Variants in PCM1 observed in about 807,000 individuals in gnomAD.
The protein encoded by PCM1 is pericentriolar material 1.
A neutral mutation model predicts 241.9 loss-of-function variants in PCM1; 157 were observed. The observed-to-expected ratio is 0.65, with a 90% CI of 0.57 to 0.74. The LOEUF is 0.74. Among genes scored for constraint, PCM1 ranks in the 30% least tolerant of loss-of-function variants. PCM1 has a pLI of 0.00. For missense variants in PCM1, 3,478 were observed against 2,360.1 expected (o/e 1.47, Z -9.81); for synonymous variants, 1,085 against 784.9 (o/e 1.38, Z -6.39).
Position 17,972,424 on chromosome 8 carries a change from G to T in PCM1, c.3680G>T (p.Gly1227Val). The part of the protein sequence containing the change: ...GEVEKPFIKT[G>V]FSVSVEKSTS... ...GTAGAGAAACCATTTATCAAGACTG[G>T]ATTTTCAGTGTCTGTAGAAAAATCT... is the stretch of plus-strand genomic sequence containing the variant. Residue 1227 changes from glycine (G) to valine (V), a missense_variant, in exon 23 of 39, where the codon GGA becomes GTA. Gly to Val is a moderately radical substitution (Grantham distance 109). Transcript: ENST00000325083. 1 of 1,612,564 alleles carries T rather than the reference G, an allele frequency of 6.2e-7. No homozygotes were observed. The highest frequency in any genetic ancestry group is 8.5e-7 in the Non-Finnish European group (1 of 1,179,106).
intron 22 of PCM1, among the ~76,000 whole-genome samples, chr8:17,971,042 C>A (rs973016676): frequency 1.3e-5 from 2 of 152,194 alleles, no homozygotes; most frequent in African/African-American, 4.8e-5. Context: ...TGCACAAGAG[C>A]AACCATAGGC....
At chr8:17,960,899 G>A (rs1432646961) in intron 15 of PCM1, among the ~76,000 whole-genome samples, 1 of 152,004 alleles carries the variant, frequency 6.6e-6, no homozygotes, top group Non-Finnish European at 1.5e-5. Flanking sequence ...GAAGAGTTGG[G>A]GTTATACGTT....
chr8:17,964,494 C>G, intron 17 of PCM1, 74 bp from the exon 18 acceptor site: 1 of 1,097,872 alleles, frequency 9.1e-7, no homozygotes, highest in South Asian at 1.6e-5. Flanking sequence ...GAAACAATGT[C>G]TGGCACATAG....
chr8:17,968,098 A>G (rs1482686273), intron 21 of PCM1, among the ~76,000 whole-genome samples: 1 of 152,164 alleles, frequency 6.6e-6, no homozygotes, highest in Non-Finnish European at 1.5e-5. Flanking sequence ...AAGAATGAAT[A>G]GAATTTATTT....
At chr8:18,003,832 T>G (rs889723722) in intron 29 of PCM1, among the ~76,000 whole-genome samples, 1 of 152,132 alleles carries the variant, frequency 6.6e-6, no homozygotes, top group African/African-American at 2.4e-5. Context: ...ATATAGATAT[T>G]TATCTCAGAG....
At position 17,956,669 on chromosome 8, in the gene PCM1, C is replaced by T. The variant is rs746281426; in HGVS notation, c.1538C>T (p.Thr513Met). 14 of 1,599,898 alleles carry T rather than the reference C, an allele frequency of 8.8e-6. No individual in the cohort carries two copies. Among genetic ancestry groups the T allele is most frequent in the South Asian group, 3.3e-5 (3 of 89,762 alleles). The part of the protein sequence containing the change: ...LRELVHYYEQ[T>M]SDMMTDAVNE... ...GAATTAGTTCATTATTATGAACAAA[C>T]GTCAGACATGATGACAGATGCTGTG... Residue 513 changes from threonine (T) to methionine (M), a missense_variant, in exon 11 of 39, where the codon ACG becomes ATG. Coordinates refer to ENST00000325083, the MANE Select transcript of PCM1 (RefSeq NM_006197.4).
At chr8:17,968,754 GTGTGTGTGTATA>G (rs1209449918) in intron 21 of PCM1, among the ~76,000 whole-genome samples, 1 of 129,284 alleles carries the variant, frequency 7.7e-6, no homozygotes, top group African/African-American at 2.8e-5. Flanking sequence ...GTGTGTGTGT[GTGTGTGTGTATA>G]TATATATATA....
chr8:17,929,105 A>AT (rs933923899), intron 2 of PCM1, among the ~76,000 whole-genome samples: 4 of 152,188 alleles, frequency 2.6e-5, no homozygotes, highest in African/African-American at 9.6e-5. Flanking sequence ...CATTCCAGTT[A>AT]TGGAATTGAC....
intron 8 of PCM1, 29 bp from the exon 9 acceptor site, chr8:17,952,938 ATTC>A (rs2066636759): frequency 5.2e-6 from 7 of 1,347,136 alleles, no homozygotes; most frequent in Admixed American, 2.6e-5. Context: ...GTTAGTCTTA[ATTC>A]TTCTTTTTTG....
intron 36 of PCM1, among the ~76,000 whole-genome samples, chr8:18,024,388 A>G (rs532742154): frequency 1.6e-4 from 25 of 152,242 alleles, no homozygotes; most frequent in African/African-American, 5.8e-4. Context: ...TCTTAAATAT[A>G]TATTTACAGT....
chr8:18,027,405 G>A (rs147824320), intron 38 of PCM1, among the ~76,000 whole-genome samples: 1 of 152,256 alleles, frequency 6.6e-6, no homozygotes, highest in East Asian at 1.9e-4. Flanking sequence ...TTTCATAGTG[G>A]AGTGTTTTTA....
chr8:17,986,603 G>A (rs2082689267), intron 26 of PCM1, among the ~76,000 whole-genome samples: 1 of 151,666 alleles, frequency 6.6e-6, no homozygotes, highest in Admixed American at 6.6e-5. Context: ...AGAGTGCTAA[G>A]GAGAATGGTA....
At chr8:17,977,623 C>T (rs761663440) in intron 23 of PCM1, among the ~76,000 whole-genome samples, 1 of 152,088 alleles carries the variant, frequency 6.6e-6, no homozygotes, top group South Asian at 2.1e-4. Flanking sequence ...CTTCCCCTTA[C>T]CCCCAAGAGT....
intron 2 of PCM1, among the ~76,000 whole-genome samples, chr8:17,929,609 T>C (rs1050816325): frequency 2.6e-4 from 39 of 152,234 alleles, no homozygotes; most frequent in African/African-American, 9.2e-4. Context: ...CATACCCAGT[T>C]TCTAGCAACC....
intron 16 of PCM1, among the ~76,000 whole-genome samples, chr8:17,962,508 A>C (rs905181247): frequency 6.6e-6 from 1 of 152,178 alleles, no homozygotes; most frequent in Non-Finnish European, 1.5e-5. Context: ...TAATCATTTC[A>C]GTTAGAAAGA....
intron 29 of PCM1, among the ~76,000 whole-genome samples, chr8:17,999,799 G>T (rs2088563114): frequency 6.6e-6 from 1 of 151,858 alleles, no homozygotes; most frequent in Non-Finnish European, 1.5e-5. Context: ...GAAGATGATT[G>T]GTGGAGGCTT....
chr8:17,976,401 A>G (rs59219953), intron 23 of PCM1, among the ~76,000 whole-genome samples: 3,114 of 152,278 alleles, frequency 0.02, 113 homozygotes, highest in African/African-American at 0.071. Context: ...TGTACCCTAC[A>G]AGGTTGAGGA....
chr8:17,967,088 A>AT lies in PCM1; in HGVS notation c.3334dup (p.Cys1112LeufsTer20). The AT allele has an allele frequency of 6.2e-7, 1 of 1,608,718 alleles. No individual in the cohort carries two copies. Among genetic ancestry groups the AT allele is most frequent in the Non-Finnish European group, 8.5e-7 (1 of 1,177,304 alleles). Reference sequence around the variant, plus strand: ...CATCGCACCCTCCTTCTCCCAGTTTATTTTGTCCTTTCAGCTTTCCAACAC... The same window carrying AT: ...CATCGCACCCTCCTTCTCCCAGTTTATTTTTGTCCTTTCAGCTTTCCAACAC... On this transcript the variant is annotated frameshift_variant, in exon 21 of 39. Coordinates refer to ENST00000325083, the MANE Select transcript of PCM1 (RefSeq NM_006197.4). LOFTEE classifies it high-confidence loss of function.
At position 17,980,579 on chromosome 8, in the gene PCM1, T is replaced by C. The variant is rs1587694383; in HGVS notation, c.3944-12T>C. On this transcript the variant is annotated splice_polypyrimidine_tract_variant and intron_variant, in intron 23 of 38. Transcript: ENST00000325083. ...TTGCAACTGATAACAGTTGTCACTT[T>C]TTTTACTCAAGGGTATGAAAGTGCC... 1 of 1,562,218 alleles carries C rather than the reference T, an allele frequency of 6.4e-7. No homozygotes were observed. The highest frequency in any genetic ancestry group is 1.4e-5 in the African/African-American group (1 of 72,472).
Sources: allele counts gnomAD v4.1 joint callset (sites outside exome capture counted in the v4.1 genomes callset), GRCh38; gene constraint gnomAD v4.1.1; transcripts MANE v1.5; gene names NCBI Gene and HGNC (gene_info 2026-07-23, HGNC 2026-07-21).